CTNND2: variants seen among roughly 807,000 people sequenced by gnomAD.
The protein encoded by CTNND2 is catenin delta-2.
A neutral mutation model predicts 144.4 loss-of-function variants in CTNND2; 22 were observed. The ratio of observed to expected loss-of-function variants is 0.15; its 90% CI spans 0.11 to 0.22. The LOEUF (loss-of-function observed/expected upper bound fraction) is 0.22, where lower values mean the gene tolerates loss of function less well. Ranked by LOEUF, CTNND2 falls within the 10% of genes least tolerant of loss-of-function variation. The pLI is 1.00. For missense variants in CTNND2, 1,353 were observed against 1,618.8 expected, an observed-to-expected ratio of 0.84 and a Z score of 2.82; for synonymous variants, 751 against 695.6, an observed-to-expected ratio of 1.08 and a Z score of -1.25.
chr5:11,797,024 T>G (rs1014857759), intron 1 of CTNND2, among the ~76,000 whole-genome samples: 3 of 152,244 alleles, frequency 2.0e-5, no homozygotes, highest in Admixed American at 6.5e-5. Context: ...TGTGTTTATA[T>G]GTATCTACTA....
intron 16 of CTNND2, among the ~76,000 whole-genome samples, chr5:11,077,112 G>A (rs950372207): frequency 1.3e-5 from 2 of 152,064 alleles, no homozygotes; most frequent in African/African-American, 4.8e-5. Context: ...GGAAATATTC[G>A]GTTCAGTCAT....
chr5:11,201,943 A>T (rs1737487429), intron 10 of CTNND2, among the ~76,000 whole-genome samples: 1 of 152,244 alleles, frequency 6.6e-6, no homozygotes, highest in South Asian at 2.1e-4. Context: ...CCACTTTATT[A>T]TAGTGCTTGA....
At chr5:11,451,119 C>A (rs1581225072) in intron 3 of CTNND2, among the ~76,000 whole-genome samples, 1 of 151,576 alleles carries the variant, frequency 6.6e-6, no homozygotes, top group Non-Finnish European at 1.5e-5. Context: ...TATGTCACAA[C>A]CAAAGGTATA....
At chr5:11,885,767 G>A (rs927035409) in intron 1 of CTNND2, among the ~76,000 whole-genome samples, 6 of 151,902 alleles carry the variant, frequency 3.9e-5, no homozygotes, top group Admixed American at 2.0e-4. Flanking sequence ...AGAACAGACC[G>A]TATGTTAGGC....
At chr5:11,589,282 A>AACACACACACAC (rs34009518) in intron 2 of CTNND2, among the ~76,000 whole-genome samples, 6,572 of 146,624 alleles carry the variant, frequency 0.045, 204 homozygotes, top group East Asian at 0.086. Flanking sequence ...TTAACATTAA[A>AACACACACACAC]ACACACACAC....
At chr5:11,882,921 TATTA>T (rs1443683708) in intron 1 of CTNND2, among the ~76,000 whole-genome samples, 22 of 152,166 alleles carry the variant, frequency 1.4e-4, no homozygotes, top group African/African-American at 5.3e-4. Context: ...AATTTTAACA[TATTA>T]ATTATTCCAA....
chr5:11,160,397 C>T (rs1034482460), intron 11 of CTNND2, among the ~76,000 whole-genome samples: 2 of 152,180 alleles, frequency 1.3e-5, no homozygotes, highest in Non-Finnish European at 2.9e-5. Context: ...AAGAAGAGGG[C>T]ATGTCCACAA....
chr5:11,726,601 T>G (rs1787037488), intron 2 of CTNND2, among the ~76,000 whole-genome samples: 2 of 152,350 alleles, frequency 1.3e-5, no homozygotes, highest in African/African-American at 4.8e-5. Flanking sequence ...TTTTACATAT[T>G]CAGTATGATT....
At chr5:11,582,290 T>C (rs1293852933) in intron 2 of CTNND2, among the ~76,000 whole-genome samples, 1 of 152,186 alleles carries the variant, frequency 6.6e-6, no homozygotes, top group Non-Finnish European at 1.5e-5. Context: ...TTAAAGCCCA[T>C]TTGGGACATT....
chr5:11,864,089 G>A (rs781230528), intron 1 of CTNND2, among the ~76,000 whole-genome samples: 1 of 151,884 alleles, frequency 6.6e-6, no homozygotes, highest in Non-Finnish European at 1.5e-5. Flanking sequence ...GTGTGTCCAC[G>A]TCCTAATTAC....
At chr5:11,588,351 T>C (rs1396693205) in intron 2 of CTNND2, among the ~76,000 whole-genome samples, 1 of 152,020 alleles carries the variant, frequency 6.6e-6, no homozygotes, top group Non-Finnish European at 1.5e-5. Flanking sequence ...CCAAATTAAC[T>C]CTTACTTAAT....
chr5:11,680,253 A>G lies in CTNND2; in HGVS notation c.174+51883T>C, dbSNP rs530151977. On this transcript the variant is annotated intron_variant, in intron 2 of 21. Transcript: ENST00000304623. ...CAGCTCTTAGATAACGCAGGAACAC[A>G]GACTTACAATAATGCTAAGGAATTG... 6.6e-5 allele frequency among the ~76,000 whole-genome samples: 10 copies of G among 152,312 alleles called. No individual in the cohort carries two copies. In the East Asian group the frequency reaches 1.9e-3, roughly 29 times the overall value.
intron 1 of CTNND2, among the ~76,000 whole-genome samples, chr5:11,808,731 CT>C (rs1306877751): frequency 6.6e-6 from 1 of 152,174 alleles, no homozygotes; most frequent in Non-Finnish European, 1.5e-5. Context: ...GCAAACCAAA[CT>C]TTCTACATTT....
chr5:11,861,375 T>C (rs569395763), intron 1 of CTNND2, among the ~76,000 whole-genome samples: 2 of 152,248 alleles, frequency 1.3e-5, no homozygotes. Context: ...CAAACTTCAT[T>C]TTCTCCTCTA....
At chr5:11,041,017 T>G (rs943316059) in intron 16 of CTNND2, among the ~76,000 whole-genome samples, 3 of 152,216 alleles carry the variant, frequency 2.0e-5, no homozygotes, top group African/African-American at 7.2e-5. Context: ...AGATCAGTGT[T>G]TCTCTGAAGA....
chr5:11,078,340 G>A (rs1028962309), intron 16 of CTNND2, among the ~76,000 whole-genome samples: 3 of 152,162 alleles, frequency 2.0e-5, no homozygotes, highest in African/African-American at 7.2e-5. Flanking sequence ...ACAATCCAAT[G>A]TTGTTCTTGT....
intron 3 of CTNND2, among the ~76,000 whole-genome samples, chr5:11,503,712 G>A (rs1189599558): frequency 6.6e-6 from 1 of 152,158 alleles, no homozygotes; most frequent in East Asian, 1.9e-4. Context: ...CATGAATTTT[G>A]CCATTGGATT....
chr5:11,441,134 T>G (rs945894224), intron 3 of CTNND2, among the ~76,000 whole-genome samples: 1 of 152,188 alleles, frequency 6.6e-6, no homozygotes. Flanking sequence ...AAAAATTATA[T>G]GGGGATCATA....
chr5:11,634,613 T>C (rs1027887589), intron 2 of CTNND2, among the ~76,000 whole-genome samples: 21 of 152,134 alleles, frequency 1.4e-4, no homozygotes, highest in Admixed American at 9.8e-4. Flanking sequence ...ATCAGGAAAG[T>C]TGAATATTTT....
Sources: allele counts gnomAD v4.1 joint callset (sites outside exome capture counted in the v4.1 genomes callset), GRCh38; gene constraint gnomAD v4.1.1; transcripts MANE v1.5; gene names NCBI Gene and HGNC (gene_info 2026-07-23, HGNC 2026-07-21).